The following SHLD1 variants were observed in gnomAD, a reference collection of about 807,000 sequenced individuals.
SHLD1 encodes shieldin complex subunit 1, also known as RINN1-REV7-interacting novel NHEJ regulator 3.
A neutral mutation model predicts 5.5 loss-of-function variants in SHLD1; 3 were observed. The ratio of observed to expected loss-of-function variants is 0.54; its 90% CI spans 0.25 to 1.40. SHLD1 has a LOEUF of 1.40. Among genes scored for constraint, SHLD1 ranks in the 40% most tolerant of loss-of-function variants. The pLI is 0.15. For missense variants in SHLD1, 210 were observed against 244.4 expected (o/e 0.86, Z 0.94); for synonymous variants, 92 against 94.3 (o/e 0.98, Z 0.14).
intron 2 of SHLD1, among the ~76,000 whole-genome samples, chr20:5,832,346 T>G (rs867379884): frequency 6.6e-6 from 1 of 152,244 alleles, no homozygotes; most frequent in Non-Finnish European, 1.5e-5. Context: ...GCCACTTTGA[T>G]TTTCTTTACT....
chr20:5,780,831 A>G (rs1342663152), intron 2 of SHLD1, among the ~76,000 whole-genome samples: 1 of 152,104 alleles, frequency 6.6e-6, no homozygotes, highest in African/African-American at 2.4e-5. Context: ...CCTTACTCAG[A>G]TGCCAATGAT....
intron 2 of SHLD1, among the ~76,000 whole-genome samples, chr20:5,798,476 G>A (rs1012823309): frequency 3.3e-5 from 5 of 151,134 alleles, no homozygotes; most frequent in Admixed American, 2.0e-4. Context: ...CTAATTTTTT[G>A]TATTTTTAGT....
chr20:5,808,796 G>A (rs1230516984), intron 2 of SHLD1, among the ~76,000 whole-genome samples: 1 of 152,184 alleles, frequency 6.6e-6, no homozygotes, highest in Non-Finnish European at 1.5e-5. Context: ...GATTTAAGCA[G>A]AAAATATTTT....
chr20:5,864,382 T>C lies in SHLD1; in HGVS notation c.*919T>C, dbSNP rs984348259. Among the ~76,000 whole-genome samples the C allele has an allele frequency of 1.3e-5, 2 of 152,200 alleles. No homozygotes were observed. Among genetic ancestry groups the C allele is most frequent in the East Asian group, 3.9e-4 (2 of 5,190 alleles). On this transcript the variant is annotated 3_prime_UTR_variant, in exon 3 of 3. Transcript: ENST00000303142. ...TCAAGTTGTGTTTGAAGAGAATAAA[T>C]AATCCTTTGCCCAGGTGGGGCCCTA...
chr20:5,800,932 C>T (rs2122337992), intron 2 of SHLD1, among the ~76,000 whole-genome samples: 1 of 152,208 alleles, frequency 6.6e-6, no homozygotes, highest in East Asian at 1.9e-4. Context: ...CATTGAAAGG[C>T]TGTGCATCAG....
intron 2 of SHLD1, among the ~76,000 whole-genome samples, chr20:5,817,432 C>CTCTCTCTCTCTCTCTGTGTGTGTGTG (rs1473391202): frequency 7.0e-5 from 6 of 85,584 alleles, no homozygotes; most frequent in African/African-American, 3.3e-4. Flanking sequence ...CTCTCTCTCT[C>CTCTCTCTCTCTCTCTGTGTGTGTGTG]TGTGTGTGTG....
At chr20:5,813,613 G>C (rs981925942) in intron 2 of SHLD1, among the ~76,000 whole-genome samples, 2 of 152,196 alleles carry the variant, frequency 1.3e-5, no homozygotes, top group African/African-American at 4.8e-5. Context: ...TAGAGATGAA[G>C]GGTGTGATTA....
chr20:5,828,218 A>ATATTTATTTTATATAT (rs2087688790), intron 2 of SHLD1, among the ~76,000 whole-genome samples: 1 of 152,090 alleles, frequency 6.6e-6, no homozygotes, highest in Non-Finnish European at 1.5e-5. Flanking sequence ...TATCTGTATA[A>ATATTTATTTTATATAT]TTATTTATCC....
At chr20:5,750,634 C>T (rs1362607538) in intron 1 of SHLD1, among the ~76,000 whole-genome samples, 155 bp downstream of exon 1, 9 of 151,916 alleles carry the variant, frequency 5.9e-5, no homozygotes, top group African/African-American at 2.2e-4. Flanking sequence ...CCCCAACACA[C>T]GGTGTCTGCA....
chr20:5,845,480 G>A (rs1463502608), intron 2 of SHLD1, among the ~76,000 whole-genome samples: 1 of 152,172 alleles, frequency 6.6e-6, no homozygotes, highest in African/African-American at 2.4e-5. Flanking sequence ...CCAGATTTCT[G>A]ATCTATGGCA....
chr20:5,790,451 C>CT (rs71197798), intron 2 of SHLD1, among the ~76,000 whole-genome samples: 28 of 91,086 alleles, frequency 3.1e-4, no homozygotes, highest in Non-Finnish European at 3.9e-4. Flanking sequence ...TAAAGGATTT[C>CT]TTTTTTTTTT....
At chr20:5,856,470 G>A (rs528970451) in intron 2 of SHLD1, among the ~76,000 whole-genome samples, 5 of 152,244 alleles carry the variant, frequency 3.3e-5, no homozygotes, top group African/African-American at 4.8e-5. Flanking sequence ...AGTAGTGAGG[G>A]GGTAGAAGAA....
intron 2 of SHLD1, among the ~76,000 whole-genome samples, chr20:5,785,404 G>T (rs552925292): frequency 5.1e-4 from 78 of 152,310 alleles, no homozygotes; most frequent in African/African-American, 1.8e-3. Context: ...CCACAGACTG[G>T]TGGAAATCTG....
intron 1 of SHLD1, among the ~76,000 whole-genome samples, chr20:5,768,881 T>C (rs1223397749): frequency 6.6e-6 from 1 of 151,104 alleles, no homozygotes; most frequent in Non-Finnish European, 1.5e-5. Context: ...TAACGTATCA[T>C]GGACAGTTCT....
chr20:5,817,420 CTCTCTCTCTCTCTGTGTGTGTGTGTG>C (rs1339267712), intron 2 of SHLD1, among the ~76,000 whole-genome samples: 8 of 131,520 alleles, frequency 6.1e-5, no homozygotes, highest in African/African-American at 2.8e-4. Flanking sequence ...CTCTCTCTCT[CTCTCTCTCTCTCTGTGTGTGTGTGTG>C]TGTGTGTGTG....
chr20:5,822,160 TA>T (rs1488464843), intron 2 of SHLD1, among the ~76,000 whole-genome samples: 1 of 152,172 alleles, frequency 6.6e-6, no homozygotes, highest in African/African-American at 2.4e-5. Context: ...TTGAGAGATT[TA>T]AAGTAAGTGC....
At chr20:5,752,067 G>A (rs1983782032) in intron 1 of SHLD1, among the ~76,000 whole-genome samples, 1 of 152,128 alleles carries the variant, frequency 6.6e-6, no homozygotes, top group South Asian at 2.1e-4. Flanking sequence ...TGAAGTGTGA[G>A]TAGCAGCCTC....
chr20:5,758,413 A>AT lies in SHLD1; in HGVS notation c.-5+7943dup, dbSNP rs1200201188. Reference sequence around the variant, plus strand: ...GGAAGTGAGCTTTGGGCCAAGTATTATTTTTTTTTATATTTTTTTTTTTTA... The same window carrying AT: ...GGAAGTGAGCTTTGGGCCAAGTATTATTTTTTTTTTATATTTTTTTTTTTTA... On this transcript the variant is annotated intron_variant, in intron 1 of 2. Coordinates refer to ENST00000303142, the MANE Select transcript of SHLD1 (RefSeq NM_152504.4). 4.3e-3 allele frequency among the ~76,000 whole-genome samples: 526 copies of AT among 121,718 alleles called. 1 individual carries two copies. The highest frequency in any genetic ancestry group is 0.014 in the African/African-American group (502 of 35,640). 79.9% of individuals were successfully genotyped at this position (121,718 alleles called of 152,430 possible).
intron 2 of SHLD1, chr20:5,773,299 C>T (rs1398875109): frequency 1.6e-6 from 1 of 618,832 alleles, no homozygotes; most frequent in African/African-American, 1.8e-5. Context: ...TCTTTCTAAT[C>T]TCCCTCAAAA....
Sources: allele counts gnomAD v4.1 joint callset (sites outside exome capture counted in the v4.1 genomes callset), GRCh38; gene constraint gnomAD v4.1.1; transcripts MANE v1.5; gene names NCBI Gene and HGNC (gene_info 2026-07-23, HGNC 2026-07-21).